FBP1: variants seen among roughly 807,000 people sequenced by gnomAD.
The protein encoded by FBP1 is fructose-1,6-bisphosphatase 1.
In FBP1, 22 loss-of-function variants were observed where a neutral mutation model predicts 29.9. That is an observed-to-expected ratio of 0.74 (90% CI 0.53 to 1.05). The LOEUF is 1.05. Ranked by LOEUF, FBP1 falls within the 50% of genes least tolerant of loss-of-function variation. The probability of loss-of-function intolerance (pLI) is 0.00; values close to 1 mark genes in which losing one functional copy is unlikely to be tolerated. For synonymous variants in FBP1, 175 were observed against 178.6 expected, an observed-to-expected ratio of 0.98 and a Z score of 0.16; for missense variants, 345 against 448.2, an observed-to-expected ratio of 0.77 and a Z score of 2.08.
At chr9:94,634,691 G>C (rs1227679165) in intron 1 of FBP1, among the ~76,000 whole-genome samples, 1 of 152,172 alleles carries the variant, frequency 6.6e-6, no homozygotes, top group Admixed American at 6.6e-5. Context: ...AAGCCCAGAG[G>C]GAAGTCTCCC....
intron 1 of FBP1, among the ~76,000 whole-genome samples, chr9:94,633,907 C>T (rs1828149221): frequency 6.6e-6 from 1 of 151,292 alleles, no homozygotes; most frequent in Admixed American, 6.6e-5. Flanking sequence ...GGGGTTTCAC[C>T]GTGTTGGCCA....
chr9:94,629,317 A>G (rs1250848576), intron 1 of FBP1, among the ~76,000 whole-genome samples: 1 of 152,206 alleles, frequency 6.6e-6, no homozygotes, highest in Non-Finnish European at 1.5e-5. Context: ...AGAGCTGATT[A>G]GCATGAGTCC....
intron 1 of FBP1, among the ~76,000 whole-genome samples, chr9:94,628,867 G>T (rs1206977761): frequency 6.6e-6 from 1 of 152,164 alleles, no homozygotes; most frequent in African/African-American, 2.4e-5. Context: ...CACTAATCAT[G>T]ATTCACACTA....
intron 3 of FBP1, among the ~76,000 whole-genome samples, chr9:94,611,829 G>A (rs1047778775): frequency 6.6e-6 from 1 of 152,190 alleles, no homozygotes; most frequent in Non-Finnish European, 1.5e-5. Flanking sequence ...CGGGGCCTGA[G>A]AATCTGCATT....
At chr9:94,639,016 C>T (rs945362762) in intron 1 of FBP1, 125 bp downstream of exon 1, 1 of 978,560 alleles carries the variant, frequency 1.0e-6, no homozygotes, top group East Asian at 2.6e-5. Context: ...GAGAGAGGCG[C>T]TCAGACATCA....
At chr9:94,620,834 G>A (rs1413532543) in intron 1 of FBP1, among the ~76,000 whole-genome samples, 2 of 152,194 alleles carry the variant, frequency 1.3e-5, no homozygotes, top group Non-Finnish European at 1.5e-5. Flanking sequence ...GATGGGTGCA[G>A]CAAACCACCA....
intron 1 of FBP1, among the ~76,000 whole-genome samples, chr9:94,631,954 T>C (rs1828109861): frequency 6.6e-6 from 1 of 152,024 alleles, no homozygotes; most frequent in Admixed American, 6.6e-5. Flanking sequence ...GTAAACAGGA[T>C]GGAACGTGGC....
intron 6 of FBP1, 108 bp from the exon 7 acceptor site, chr9:94,603,680 C>G (rs757118871): frequency 1.0e-6 from 1 of 1,000,950 alleles, no homozygotes; most frequent in African/African-American, 1.6e-5. Context: ...TCCAAGGGAA[C>G]GAATACTGTA....
At chr9:94,638,363 T>C (rs1587870525) in intron 1 of FBP1, among the ~76,000 whole-genome samples, 2 of 152,220 alleles carry the variant, frequency 1.3e-5, no homozygotes, top group African/African-American at 4.8e-5. Context: ...AAATGATTCC[T>C]GTGCCCAGTG....
chr9:94,622,807 A>G (rs28369686), intron 1 of FBP1, among the ~76,000 whole-genome samples: 6,586 of 152,002 alleles, frequency 0.043, 492 homozygotes, highest in African/African-American at 0.15. Context: ...TCTGACCCCA[A>G]TTGTGAGGCT....
chr9:94,621,255 G>A (rs1827945226), intron 1 of FBP1, among the ~76,000 whole-genome samples: 1 of 148,902 alleles, frequency 6.7e-6, no homozygotes, highest in African/African-American at 2.5e-5. Flanking sequence ...AATTAGCCGG[G>A]TGTGGTGGCG....
chr9:94,608,517 C>T (rs934050933), intron 4 of FBP1, among the ~76,000 whole-genome samples: 2 of 152,194 alleles, frequency 1.3e-5, no homozygotes, highest in Non-Finnish European at 2.9e-5. Flanking sequence ...AGTCAGGGCC[C>T]GGCAAATCAC....
At chr9:94,619,120 G>A (rs535221072) in intron 2 of FBP1, among the ~76,000 whole-genome samples, 10 of 152,110 alleles carry the variant, frequency 6.6e-5, no homozygotes, top group African/African-American at 1.2e-4. Context: ...AGAGAAGTCC[G>A]GCGTGAGTGA....
intron 2 of FBP1, among the ~76,000 whole-genome samples, 190 bp downstream of exon 2, chr9:94,620,139 A>C (rs1374314809): frequency 6.6e-6 from 1 of 152,102 alleles, no homozygotes; most frequent in Non-Finnish European, 1.5e-5. Context: ...GAGCCACAAC[A>C]CTCATCTGCA....
chr9:94,607,647 G>C (rs1402636363), intron 4 of FBP1, among the ~76,000 whole-genome samples: 1 of 152,192 alleles, frequency 6.6e-6, no homozygotes, highest in African/African-American at 2.4e-5. Context: ...GGGGAAAAGT[G>C]TTGCAGAAGT....
chr9:94,614,290 C>T (rs1354700786), intron 3 of FBP1, among the ~76,000 whole-genome samples: 1 of 149,546 alleles, frequency 6.7e-6, no homozygotes, highest in East Asian at 2.0e-4. Context: ...CCTGTAATTC[C>T]AGCACTTTGG....
intron 3 of FBP1, among the ~76,000 whole-genome samples, chr9:94,616,299 G>A (rs748510251): frequency 5.3e-5 from 8 of 152,028 alleles, no homozygotes; most frequent in Non-Finnish European, 1.0e-4. Flanking sequence ...GGGAGGGGAT[G>A]AGGGATAAAA....
intron 1 of FBP1, among the ~76,000 whole-genome samples, chr9:94,631,685 C>A (rs1159361568): frequency 6.6e-6 from 1 of 152,222 alleles, no homozygotes; most frequent in Non-Finnish European, 1.5e-5. Context: ...AGCAGCAACA[C>A]TTCACACAGC....
At chr9:94,638,845 G>C (rs951047952) in intron 1 of FBP1, among the ~76,000 whole-genome samples, 1 of 152,126 alleles carries the variant, frequency 6.6e-6, no homozygotes, top group South Asian at 2.1e-4. Flanking sequence ...AGAGGGGTAC[G>C]AGGCAGGCTG....
Sources: allele counts gnomAD v4.1 joint callset (sites outside exome capture counted in the v4.1 genomes callset), GRCh38; gene constraint gnomAD v4.1.1; transcripts MANE v1.5; gene names NCBI Gene and HGNC (gene_info 2026-07-23, HGNC 2026-07-21).